B3GALT1: variants seen among roughly 807,000 people sequenced by gnomAD.
B3GALT1 encodes the protein beta-1,3-galactosyltransferase 1, also known as UDP-Gal:betaGlcNAc beta 1,3-galactosyltransferase, polypeptide 1.
B3GALT1 carries 10 observed loss-of-function variants against 23.2 expected under a neutral mutation model. The ratio of observed to expected loss-of-function variants is 0.43; its 90% CI spans 0.27 to 0.73. The LOEUF is 0.73. Ranked by LOEUF, B3GALT1 falls within the 30% of genes least tolerant of loss-of-function variation. The pLI, the probability that B3GALT1 is intolerant of heterozygous loss-of-function variation, is 0.21. For synonymous variants in B3GALT1, 156 were observed against 141.5 expected, an observed-to-expected ratio of 1.10 and a Z score of -0.73; for missense variants, 299 against 405.4, an observed-to-expected ratio of 0.74 and a Z score of 2.25.
At chr2:167,394,663 G>A (rs962065974) in intron 1 of B3GALT1, among the ~76,000 whole-genome samples, 2 of 151,662 alleles carry the variant, frequency 1.3e-5, no homozygotes, top group Non-Finnish European at 2.9e-5. Context: ...AGGCAAAATA[G>A]GCATTTTCTC....
At chr2:167,690,702 A>G (rs2105500959) in intron 3 of B3GALT1, among the ~76,000 whole-genome samples, 1 of 152,258 alleles carries the variant, frequency 6.6e-6, no homozygotes, top group Non-Finnish European at 1.5e-5. Flanking sequence ...GAAAGCTGCA[A>G]TTGTGTTTCA....
intron 2 of B3GALT1, among the ~76,000 whole-genome samples, chr2:167,511,656 A>AT (rs968660712): frequency 2.2e-4 from 33 of 151,804 alleles, no homozygotes; most frequent in African/African-American, 3.4e-4. Flanking sequence ...TTTTGCATAG[A>AT]TTTTTTTTTA....
At chr2:167,651,488 A>T (rs79177943) in intron 3 of B3GALT1, among the ~76,000 whole-genome samples, 5,517 of 152,242 alleles carry the variant, frequency 0.036, 199 homozygotes, top group African/African-American at 0.09. Context: ...TGTGCAGTCA[A>T]CATAGTTGTT....
At chr2:167,792,449 A>T (rs902028110) in intron 3 of B3GALT1, among the ~76,000 whole-genome samples, 1 of 152,228 alleles carries the variant, frequency 6.6e-6, no homozygotes, top group Non-Finnish European at 1.5e-5. Context: ...CCTATAAGAT[A>T]CTGAAGTGGT....
At chr2:167,794,493 C>T (rs1001708128) in intron 3 of B3GALT1, among the ~76,000 whole-genome samples, 4 of 152,070 alleles carry the variant, frequency 2.6e-5, no homozygotes, top group Non-Finnish European at 4.4e-5. Flanking sequence ...ACAAAAATTC[C>T]CTCATTTAGC....
intron 1 of B3GALT1, among the ~76,000 whole-genome samples, chr2:167,340,090 A>C (rs1697123381): frequency 6.6e-6 from 1 of 152,190 alleles, no homozygotes; most frequent in Non-Finnish European, 1.5e-5. Flanking sequence ...CATTTCTTGC[A>C]TGTATGCACT....
intron 2 of B3GALT1, among the ~76,000 whole-genome samples, chr2:167,625,779 T>G (rs1685330724): frequency 6.6e-6 from 1 of 151,362 alleles, no homozygotes; most frequent in Non-Finnish European, 1.5e-5. Flanking sequence ...CTTTAATTTA[T>G]GTAATGATTG....
intron 1 of B3GALT1, among the ~76,000 whole-genome samples, chr2:167,459,531 G>A (rs1346437580): frequency 6.6e-6 from 1 of 152,114 alleles, no homozygotes; most frequent in Non-Finnish European, 1.5e-5. Flanking sequence ...AAAACAAAAT[G>A]TGGAGTTACA....
chr2:167,711,763 G>C lies in B3GALT1; in HGVS notation c.-352+64797G>C, dbSNP rs369588987. On this transcript the variant is annotated intron_variant, in intron 3 of 4. Transcript: ENST00000392690. ...GCGAGTAGCTTGATCTCAGGAATTT[G>C]AGACCAGCCTGGGCAACATGGCAAA... Among the ~76,000 whole-genome samples, 10 of 152,224 alleles carry C rather than the reference G, an allele frequency of 6.6e-5. No individual in the cohort carries two copies. The East Asian group carries it at 1.4e-3, about 21-fold the overall frequency.
At chr2:167,612,568 G>C (rs896756820) in intron 2 of B3GALT1, among the ~76,000 whole-genome samples, 1 of 151,462 alleles carries the variant, frequency 6.6e-6, no homozygotes, top group African/African-American at 2.4e-5. Context: ...AGGTGATCGA[G>C]GTTTCTTTGT....
intron 1 of B3GALT1, among the ~76,000 whole-genome samples, chr2:167,380,141 C>T (rs755221092): frequency 2.0e-5 from 3 of 152,094 alleles, no homozygotes; most frequent in Non-Finnish European, 4.4e-5. Flanking sequence ...GCTTGTAGAT[C>T]GGTTTGGACA....
intron 3 of B3GALT1, among the ~76,000 whole-genome samples, chr2:167,802,213 C>G (rs1322296764): frequency 6.6e-6 from 1 of 152,154 alleles, no homozygotes; most frequent in East Asian, 1.9e-4. Flanking sequence ...GTGAAGTGTC[C>G]AGCACACGGA....
chr2:167,505,556 A>G (rs1699906292), intron 2 of B3GALT1, among the ~76,000 whole-genome samples: 1 of 152,204 alleles, frequency 6.6e-6, no homozygotes, highest in Non-Finnish European at 1.5e-5. Context: ...ACGTGAGGGC[A>G]TGAAAGTAGA....
At chr2:167,488,414 T>C (rs1181961294) in intron 1 of B3GALT1, among the ~76,000 whole-genome samples, 2 of 152,232 alleles carry the variant, frequency 1.3e-5, no homozygotes, top group East Asian at 3.9e-4. Flanking sequence ...TTATTTTTTC[T>C]AGCACACTGC....
chr2:167,358,620 A>G (rs1482810229), intron 1 of B3GALT1, among the ~76,000 whole-genome samples: 2 of 92,516 alleles, frequency 2.2e-5, no homozygotes, highest in Non-Finnish European at 5.1e-5. Context: ...GTACTCATCA[A>G]ATCTTATTAA....
chr2:167,832,928 T>C (rs1231174215), intron 4 of B3GALT1, among the ~76,000 whole-genome samples: 4 of 152,144 alleles, frequency 2.6e-5, no homozygotes, highest in African/African-American at 9.7e-5. Context: ...ATGGCACCAT[T>C]AGAGGTGACA....
chr2:167,449,626 T>C (rs1351574518), intron 1 of B3GALT1, among the ~76,000 whole-genome samples: 1 of 152,198 alleles, frequency 6.6e-6, no homozygotes, highest in African/African-American at 2.4e-5. Context: ...TTTCCAGTAC[T>C]ATGTTGAATA....
At chr2:167,635,043 A>G (rs1156405892) in intron 2 of B3GALT1, among the ~76,000 whole-genome samples, 7 of 152,178 alleles carry the variant, frequency 4.6e-5, no homozygotes, top group Admixed American at 3.9e-4. Context: ...GGTTGGTTCA[A>G]CATATGCAAA....
At chr2:167,801,146 A>G (rs1265977109) in intron 3 of B3GALT1, among the ~76,000 whole-genome samples, 1 of 152,228 alleles carries the variant, frequency 6.6e-6, no homozygotes, top group Non-Finnish European at 1.5e-5. Flanking sequence ...CTTGAATACA[A>G]TACTGCAAAC....
Sources: gnomAD v4.1 joint callset for allele counts (sites outside exome capture counted in the v4.1 genomes callset) on GRCh38, gnomAD v4.1.1 for gene constraint, MANE v1.5 for transcripts, NCBI Gene and HGNC (gene_info 2026-07-23, HGNC 2026-07-21) for gene names.